HMGXB4: variants seen among roughly 807,000 people sequenced by gnomAD.
HMGXB4 encodes HMG-box containing 4, also known as HMG domain-containing protein 4.
Under a neutral mutation model 63.9 loss-of-function variants are expected in HMGXB4, and 27 were observed. That is an observed-to-expected ratio of 0.42 (90% CI 0.31 to 0.58). The LOEUF (loss-of-function observed/expected upper bound fraction) is 0.58. Ranked by LOEUF, HMGXB4 falls within the 20% of genes least tolerant of loss-of-function variation. The pLI is 0.13. For missense variants in HMGXB4, 624 were observed against 700.7 expected, an observed-to-expected ratio of 0.89 and a Z score of 1.24; for synonymous variants, 264 against 265.3, an observed-to-expected ratio of 0.99 and a Z score of 0.05.
chr22:35,275,474 T>C (rs1923856469), intron 5 of HMGXB4, among the ~76,000 whole-genome samples: 1 of 152,204 alleles, frequency 6.6e-6, no homozygotes, highest in Non-Finnish European at 1.5e-5. Flanking sequence ...CTCCCAAATA[T>C]TGTATTCTTT....
rs1240505878 is a variant in HMGXB4, at chr22:35,293,072, C to A, written c.1719C>A (p.Thr573=). 6.2e-7 allele frequency: 1 copy of A among 1,614,210 alleles called. No individual in the cohort carries two copies. Among genetic ancestry groups the A allele is most frequent in the East Asian group, 2.2e-5 (1 of 44,888 alleles). Residue 573 remains threonine (T), a synonymous_variant, in exon 10 of 11, where the codon ACC becomes ACA. Transcript: ENST00000216106. ...ICALGPLACL[T]TQLPELNGCP... ...CCCTTGGCCCCTTGGCATGTCTCAC[C>A]ACACAACTACCTGAATTGAATGGCT...
At chr22:35,276,759 AT>A (rs1184776058) in intron 5 of HMGXB4, among the ~76,000 whole-genome samples, 1 of 152,238 alleles carries the variant, frequency 6.6e-6, no homozygotes, top group East Asian at 1.9e-4. Flanking sequence ...CTTCTTTACC[AT>A]CTCTAAACAG....
chr22:35,269,447 C>G (rs1177622509), intron 5 of HMGXB4, among the ~76,000 whole-genome samples: 2 of 152,194 alleles, frequency 1.3e-5, no homozygotes, highest in African/African-American at 4.8e-5. Flanking sequence ...GCACTGTCTG[C>G]TTGGGGCAGA....
intron 5 of HMGXB4, among the ~76,000 whole-genome samples, chr22:35,274,588 T>G (rs1393188707): frequency 6.6e-6 from 1 of 152,128 alleles, no homozygotes; most frequent in Non-Finnish European, 1.5e-5. Flanking sequence ...TTCACAGAAA[T>G]AAGCTTAAAT....
chr22:35,274,933 G>T (rs948115580), intron 5 of HMGXB4, among the ~76,000 whole-genome samples: 1 of 152,080 alleles, frequency 6.6e-6, no homozygotes, highest in South Asian at 2.1e-4. Context: ...CAGGCTGCCT[G>T]TGTTTAGTGG....
chr22:35,257,951 G>A lies in HMGXB4; in HGVS notation c.-69+394G>A, dbSNP rs138579930. 47 of 152,302 alleles carry A rather than the reference G, an allele frequency of 3.1e-4. No homozygotes were observed. In the East Asian group the frequency reaches 8.1e-3, roughly 26 times the overall value. The allele number at this position is 152,302 out of a possible 1,614,324, so 9.4% of individuals were successfully genotyped here. On this transcript the variant is annotated intron_variant, in intron 1 of 10. Transcript: ENST00000216106. ...AACCCGGGTTCAGGTCGAGCTGTGCGGCTCGGAACCCGCGATGCGGGGGTC... is the reference window on the plus strand; with the variant it reads ...AACCCGGGTTCAGGTCGAGCTGTGCAGCTCGGAACCCGCGATGCGGGGGTC...
chr22:35,263,814 T>G lies in HMGXB4; in HGVS notation c.199T>G (p.Leu67Val). 6.2e-7 allele frequency: 1 copy of G among 1,613,158 alleles called. No individual in the cohort carries two copies. The highest frequency in any genetic ancestry group is 1.1e-5 in the South Asian group (1 of 91,064). Residue 67 changes from leucine (L) to valine (V), a missense_variant, in exon 4 of 11, where the codon TTG becomes GTG. Transcript: ENST00000216106. ...ATTATAGGATAGTGAACTTTACTTCTTGGGGACGGACACACACAAGAAGAA... is the reference window on the plus strand; with the variant it reads ...ATTATAGGATAGTGAACTTTACTTCGTGGGGACGGACACACACAAGAAGAA... ...KKLKDSELYF[L>V]GTDTHKKKRK...
At chr22:35,268,128 T>G (rs35635976) in intron 5 of HMGXB4, among the ~76,000 whole-genome samples, 1 of 152,194 alleles carries the variant, frequency 6.6e-6, no homozygotes, top group African/African-American at 2.4e-5. Flanking sequence ...TGCATAGATA[T>G]TGAGTATGTG....
intron 5 of HMGXB4, among the ~76,000 whole-genome samples, chr22:35,267,359 T>TA: frequency 6.6e-6 from 1 of 152,282 alleles, no homozygotes; most frequent in South Asian, 2.1e-4. Flanking sequence ...AGATTCTGTT[T>TA]ATCCTAAGAA....
Position 35,265,263 on chromosome 22 carries a change from T to G in HMGXB4, c.875T>G (p.Val292Gly). The change falls in exon 5 of 11, where the codon GTA (valine) becomes GGA (glycine). Residue 292 changes from valine (V) to glycine (G), a missense_variant. Physicochemically the swap from Val to Gly is moderately radical, Grantham distance 109. Around this residue, in one of 2 missense-constraint regions of HMGXB4, gnomAD observed 472 missense variants for 470.6 expected, o/e 1.00. Coordinates refer to ENST00000216106, the MANE Select transcript of HMGXB4 (RefSeq NM_001003681.3). ...LDLSGLEPIL[V>G]ESDSSSGGEL... is the part of the protein sequence containing the mutation. ...CTTTCAGGGCTTGAACCTATTCTGG[T>G]AGAATCAGACTCATCCTCTGGTGGG... 1 of 1,614,002 alleles carries G rather than the reference T, an allele frequency of 6.2e-7. No individual in the cohort carries two copies. Among genetic ancestry groups the G allele is most frequent in the South Asian group, 1.1e-5 (1 of 91,056 alleles).
At chr22:35,284,143 TTTC>T in intron 6 of HMGXB4, 100 bp downstream of exon 6, 1 of 856,158 alleles carries the variant, frequency 1.2e-6, no homozygotes, top group South Asian at 1.5e-5. Context: ...ATAAATCTTG[TTTC>T]TTTCCTCAGT....
chr22:35,291,872 C>T (rs781461496), intron 9 of HMGXB4, among the ~76,000 whole-genome samples: 1 of 152,148 alleles, frequency 6.6e-6, no homozygotes, highest in Non-Finnish European at 1.5e-5. Flanking sequence ...GGGTTCTTAA[C>T]CTCTTACTGT....
chr22:35,285,299 CTT>C (rs1388272206), intron 6 of HMGXB4, among the ~76,000 whole-genome samples: 2 of 152,198 alleles, frequency 1.3e-5, no homozygotes, highest in African/African-American at 4.8e-5. Context: ...AATCCCAACA[CTT>C]TGGGAGGCCG....
intron 6 of HMGXB4, among the ~76,000 whole-genome samples, chr22:35,284,582 C>T (rs1322100109): frequency 6.6e-6 from 1 of 152,146 alleles, no homozygotes; most frequent in African/African-American, 2.4e-5. Context: ...TAACACAAAG[C>T]CTGTTTTATA....
At chr22:35,245,458 A>G in the HMGXB4 span, among the ~76,000 whole-genome samples, 1 of 150,774 alleles carries the variant, frequency 6.6e-6, no homozygotes, top group East Asian at 2.0e-4. Context: ...TCACGTTCAT[A>G]ATTGCTCACT....
intron 5 of HMGXB4, among the ~76,000 whole-genome samples, chr22:35,279,938 T>G (rs1225848033): frequency 6.6e-6 from 1 of 152,152 alleles, no homozygotes; most frequent in Non-Finnish European, 1.5e-5. Context: ...TTCAGCTTTG[T>G]TCTTCATCAA....
the HMGXB4 span, among the ~76,000 whole-genome samples, chr22:35,250,204 C>T: frequency 6.6e-6 from 1 of 152,144 alleles, no homozygotes; most frequent in Non-Finnish European, 1.5e-5. Flanking sequence ...TGTACTAGTT[C>T]ATTTGCATTG....
Position 35,265,162 on chromosome 22 carries a change from AC to A in HMGXB4, c.775del (p.His259IlefsTer34). The A allele has an allele frequency of 6.2e-7, 1 of 1,614,164 alleles. No individual in the cohort carries two copies. Among genetic ancestry groups the A allele is most frequent in the Non-Finnish European group, 8.5e-7 (1 of 1,180,022 alleles). ...AAAAGCACAAGTCATCCTCAGACGC[AC>A]ATTCATCTCCTGGCCCTGAAGGCTG... ...RKKHKSSSDA[H>X]SSPGPEGCGS... On this transcript the variant is annotated frameshift_variant, in exon 5 of 11. Transcript: ENST00000216106. LOFTEE classifies it high-confidence loss of function.
chr22:35,268,916 T>C (rs1923430096), intron 5 of HMGXB4, among the ~76,000 whole-genome samples: 1 of 152,226 alleles, frequency 6.6e-6, no homozygotes. Context: ...CCTAATCAAA[T>C]GCCACCTCTT....
Sources: gnomAD v4.1 joint callset for allele counts (sites outside exome capture counted in the v4.1 genomes callset) on GRCh38, gnomAD v4.1.1 for gene constraint, gnomAD v4.1.1 regional missense constraint, MANE v1.5 for transcripts, NCBI Gene and HGNC (gene_info 2026-07-23, HGNC 2026-07-21) for gene names.